Variants in GRAMD1A observed in about 807,000 individuals in gnomAD.
GRAMD1A encodes the protein GRAM domain containing 1A, also known as protein Aster-A.
Under a neutral mutation model 92.0 loss-of-function variants are expected in GRAMD1A, and 50 were observed. The observed-to-expected ratio is 0.54, with a 90% CI of 0.43 to 0.69. The LOEUF is 0.69. Ranked by LOEUF, GRAMD1A falls within the 30% of genes least tolerant of loss-of-function variation. The pLI is 0.00. For missense variants in GRAMD1A, 819 were observed against 978.9 expected (o/e 0.84, Z 2.18); for synonymous variants, 405 against 403.6 (o/e 1.00, Z -0.04).
chr19:35,011,499 G>A lies in GRAMD1A; in HGVS notation c.551G>A (p.Arg184His), dbSNP rs755226113. The A allele has an allele frequency of 5.6e-6, 9 of 1,611,388 alleles. No individual in the cohort carries two copies. Among genetic ancestry groups the A allele is most frequent in the East Asian group, 2.2e-5 (1 of 44,872 alleles). Residue 184 changes from arginine to histidine, a missense_variant, in exon 7 of 20, where the codon CGT (arginine) becomes CAT (histidine). Arg to His is a conservative substitution (Grantham distance 29, BLOSUM62 0). Around this residue, in one of 3 missense-constraint regions of GRAMD1A, gnomAD observed 144 missense variants for 220.3 expected, o/e 0.65. Coordinates refer to ENST00000317991, the MANE Select transcript of GRAMD1A (RefSeq NM_020895.5). ...CATTTCTTCACTTCCTTTGGGGCCC[G>A]TGACCGCTGCTTCCTCCTCATCTTC... ...EKHFFTSFGARDRCFLLIFRL... is the reference protein window; with the variant it reads ...EKHFFTSFGAHDRCFLLIFRL...
Position 35,013,208 on chromosome 19 carries a change from C to T in GRAMD1A, c.607-48C>T, listed in dbSNP as rs1206387541. The stretch of plus-strand genomic sequence containing the variant: ...CTGGTGGGGAATCTGGCGGGCCGGG[C>T]TCTGGCTGGGGTGAGATGGAGGCCA... On this transcript the variant is annotated intron_variant, in intron 7 of 19. Coordinates refer to ENST00000317991, the MANE Select transcript of GRAMD1A (RefSeq NM_020895.5). This position sits in a 1 kb window ranked among gnomAD's most constrained non-coding sequence, Gnocchi z 4.9. 3 of 1,026,754 alleles carry T rather than the reference C, an allele frequency of 2.9e-6. No homozygotes were observed. Among genetic ancestry groups the T allele is most frequent in the Non-Finnish European group, 4.4e-6 (3 of 686,338 alleles). 63.6% of individuals were successfully genotyped at this position (1,026,754 alleles called of 1,614,324 possible).
rs1568327355 is a variant in GRAMD1A, at chr19:35,013,195, C to G, written c.607-61C>G. ...CGGAGGCCGAGGGCTGGTGGGGAAT[C>G]TGGCGGGCCGGGCTCTGGCTGGGGT... On this transcript the variant is annotated intron_variant, in intron 7 of 19. Coordinates refer to ENST00000317991, the MANE Select transcript of GRAMD1A (RefSeq NM_020895.5). The surrounding 1 kb of genome is among the most constrained non-coding windows in gnomAD (Gnocchi z 4.9). 2 of 882,146 alleles carry G rather than the reference C, an allele frequency of 2.3e-6. No homozygotes were observed. The highest frequency in any genetic ancestry group is 1.6e-5 in the African/African-American group (1 of 60,682). 54.6% of individuals were successfully genotyped at this position (882,146 alleles called of 1,614,324 possible).
Position 35,000,646 on chromosome 19 carries a change from A to C in GRAMD1A, c.8+160A>C. 8.0e-6 allele frequency among the ~76,000 whole-genome samples: 1 copy of C among 124,374 alleles called. No homozygotes were observed. The highest frequency in any genetic ancestry group is 1.8e-5 in the Non-Finnish European group (1 of 56,974). The allele number at this position is 124,374 out of a possible 152,430, so 81.6% of individuals were successfully genotyped here. ...GGGGCGATCGGGGTGGGGGCGGGGCAGGGGGCCCCCGGGCGAGGGGTGCAG... is the reference window on the plus strand; with the variant it reads ...GGGGCGATCGGGGTGGGGGCGGGGCCGGGGGCCCCCGGGCGAGGGGTGCAG... On this transcript the variant is annotated intron_variant, in intron 1 of 19. Transcript: ENST00000317991. This position sits in a 1 kb window ranked among gnomAD's most constrained non-coding sequence, Gnocchi z 4.9.
rs538292365 is a variant in GRAMD1A at position 35,022,760 on chromosome 19, G to A, written c.1842-140G>A. ...GGCCAGCTACATGCTCAGCCTCTGA[G>A]CCTCAGCTCTCAGCTCTCATCCAGT... On this transcript the variant is annotated intron_variant, in intron 16 of 19. Transcript: ENST00000317991. The A allele has an allele frequency of 7.8e-6, 5 of 640,342 alleles. No individual in the cohort carries two copies. In the African/African-American group the frequency reaches 1.3e-4, roughly 17 times the overall value. The allele number at this position is 640,342 out of a possible 1,614,324, so 39.7% of individuals were successfully genotyped here.
At chr19:35,006,221 CTGAG>C (rs1202465087) in intron 1 of GRAMD1A, among the ~76,000 whole-genome samples, 1 of 152,180 alleles carries the variant, frequency 6.6e-6, no homozygotes, top group African/African-American at 2.4e-5. Context: ...ACTGCGGAGG[CTGAG>C]GCAGGAGAAT....
chr19:35,003,236 AC>A (rs2014544033), intron 1 of GRAMD1A, among the ~76,000 whole-genome samples: 1 of 151,680 alleles, frequency 6.6e-6, no homozygotes, highest in Non-Finnish European at 1.5e-5. Flanking sequence ...AATGCAGTTT[AC>A]CCCTGACACC....
rs1460900994 is a variant in GRAMD1A, at chr19:35,011,364, T to G, written c.526-110T>G. 18 of 823,862 alleles carry G rather than the reference T, an allele frequency of 2.2e-5. No homozygotes were observed. The East Asian group carries it at 4.3e-4, about 20-fold the overall frequency. 51.0% of individuals were successfully genotyped at this position (823,862 alleles called of 1,614,324 possible). A position where few individuals can be genotyped will look rare whatever the true frequency, so the allele number is the denominator to read the frequency against. ...CTAATGCAGGGGTGAATTAGTGGAT[T>G]CATGGGGCCAAAGATGTGGCGTCAG... On this transcript the variant is annotated intron_variant, in intron 6 of 19. Transcript: ENST00000317991.
chr19:35,008,552 T>C (rs2014988824), intron 1 of GRAMD1A, among the ~76,000 whole-genome samples: 1 of 151,162 alleles, frequency 6.6e-6, no homozygotes, highest in Admixed American at 6.6e-5. Flanking sequence ...CTGGGCACGG[T>C]GGCTCCCACC....
intron 7 of GRAMD1A, among the ~76,000 whole-genome samples, chr19:35,012,186 A>G (rs1291775218): frequency 1.3e-5 from 2 of 152,170 alleles, no homozygotes. Flanking sequence ...AGAGTAGCCC[A>G]GCGGTTAGCT....
Position 35,026,146 on chromosome 19 carries a change from C to G in GRAMD1A, c.*5C>G. On this transcript the variant is annotated 3_prime_UTR_variant, in exon 20 of 20. Transcript: ENST00000317991. ...CCCGATGACAGCTTTTCCTGAGGAC[C>G]CCGGCCACGCAGCTGTTCCCCCACA... 6.9e-7 allele frequency: 1 copy of G among 1,457,934 alleles called. No individual in the cohort carries two copies. The highest frequency in any genetic ancestry group is 9.6e-7 in the Non-Finnish European group (1 of 1,037,874). The allele number at this position is 1,457,934 out of a possible 1,614,324, so 90.3% of individuals were successfully genotyped here.
chr19:35,009,130 A>C lies in GRAMD1A; in HGVS notation c.20A>C (p.His7Pro), dbSNP rs764843073. The C allele has an allele frequency of 1.2e-6, 2 of 1,611,920 alleles. No individual in the cohort carries two copies. The highest frequency in any genetic ancestry group is 2.2e-5 in the South Asian group (2 of 91,016). Residue 7 changes from histidine (H) to proline (P), a missense_variant, in exon 2 of 20, where the codon CAC becomes CCC. Physicochemically the swap from His to Pro is moderately conservative, Grantham distance 77. Around this residue, in one of 3 missense-constraint regions of GRAMD1A, gnomAD observed 98 missense variants for 84.0 expected, o/e 1.17. Coordinates refer to ENST00000317991, the MANE Select transcript of GRAMD1A (RefSeq NM_020895.5). The part of the protein sequence containing the change: MFDTTP[H>P]SGRSTPSSSP... ...CTTCCTGCCCCCAGCACCACACCCCACTCTGGCCGGAGCACGCCAAGCAGC... is the reference window on the plus strand; with the variant it reads ...CTTCCTGCCCCCAGCACCACACCCCCCTCTGGCCGGAGCACGCCAAGCAGC...
In GRAMD1A at chr19:35,000,443, G is replaced by A; in HGVS notation, c.-36G>A. 8.0e-7 allele frequency: 1 copy of A among 1,247,800 alleles called. No individual in the cohort carries two copies. The highest frequency in any genetic ancestry group is 1.0e-6 in the Non-Finnish European group (1 of 992,572). 77.3% of individuals were successfully genotyped at this position (1,247,800 alleles called of 1,614,324 possible). A position where few individuals can be genotyped will look rare whatever the true frequency, so the allele number is the denominator to read the frequency against. On this transcript the variant is annotated 5_prime_UTR_variant, in exon 1 of 20. Coordinates refer to ENST00000317991, the MANE Select transcript of GRAMD1A (RefSeq NM_020895.5). This position sits in a 1 kb window ranked among gnomAD's most constrained non-coding sequence, Gnocchi z 4.9. Reference sequence around the variant, plus strand: ...GCCCAGCCCTGCCCTGCCCTGCCCTGCCCTGCGCCCGGGGCGCGCCCACCG... The same window carrying A: ...GCCCAGCCCTGCCCTGCCCTGCCCTACCCTGCGCCCGGGGCGCGCCCACCG...
chr19:35,013,247 C>T lies in GRAMD1A; in HGVS notation c.607-9C>T. ...AGATGGAGGCCAACCCCAGGTCCCG[C>T]CTCCCCAGACGCTGAGTCCCCGCGA... On this transcript the variant is annotated splice_polypyrimidine_tract_variant and intron_variant, in intron 7 of 19. Transcript: ENST00000317991. This position sits in a 1 kb window ranked among gnomAD's most constrained non-coding sequence, Gnocchi z 4.9. The T allele has an allele frequency of 6.7e-7, 1 of 1,492,846 alleles. No individual in the cohort carries two copies. Among genetic ancestry groups the T allele is most frequent in the Non-Finnish European group, 9.1e-7 (1 of 1,098,122 alleles). The allele number at this position is 1,492,846 out of a possible 1,614,324, so 92.5% of individuals were successfully genotyped here. A position where few individuals can be genotyped will look rare whatever the true frequency, so the allele number is the denominator to read the frequency against.
chr19:35,018,839 G>C (rs1185982981), intron 11 of GRAMD1A, among the ~76,000 whole-genome samples: 5 of 152,094 alleles, frequency 3.3e-5, no homozygotes, highest in Non-Finnish European at 7.4e-5. Context: ...ACCCCTGAGT[G>C]GGGGCCTGGG....
chr19:35,020,289 A>G (rs2015956472), intron 13 of GRAMD1A, among the ~76,000 whole-genome samples: 1 of 152,160 alleles, frequency 6.6e-6, no homozygotes, highest in Non-Finnish European at 1.5e-5. Flanking sequence ...CTGTAATCCC[A>G]GCAATTTGGG....
At chr19:35,023,705 G>T in intron 19 of GRAMD1A, 158 bp downstream of exon 19, 1 of 671,460 alleles carries the variant, frequency 1.5e-6, no homozygotes, top group Non-Finnish European at 2.4e-6. Flanking sequence ...AGCATTGCAG[G>T]GGAAAGCATG....
chr19:35,001,531 G>C (rs1216518735), intron 1 of GRAMD1A, among the ~76,000 whole-genome samples: 2 of 152,080 alleles, frequency 1.3e-5, no homozygotes, highest in African/African-American at 4.8e-5. Context: ...GTGTGTACAA[G>C]TGTGCCTGGG....
Position 35,021,122 on chromosome 19 carries a change from C to T in GRAMD1A, c.1476-380C>T, listed in dbSNP as rs577552307. On this transcript the variant is annotated intron_variant, in intron 13 of 19. Coordinates refer to ENST00000317991, the MANE Select transcript of GRAMD1A (RefSeq NM_020895.5). The surrounding 1 kb of genome is among the most constrained non-coding windows in gnomAD (Gnocchi z 5.3). ...TGGGTTTGGGGAAAGACCAGGAGGT[C>T]AGTTTGGGACTCAGCTGTCTATGTT... is the stretch of plus-strand genomic sequence containing the variant. 3.3e-5 allele frequency among the ~76,000 whole-genome samples: 5 copies of T among 152,234 alleles called. No individual in the cohort carries two copies. The highest frequency in any genetic ancestry group is 6.5e-5 in the Admixed American group (1 of 15,292).
At chr19:35,010,446 C>A in intron 6 of GRAMD1A, 67 bp downstream of exon 6, 1 of 1,022,954 alleles carries the variant, frequency 9.8e-7, no homozygotes, top group Non-Finnish European at 1.6e-6. Context: ...CCCAAACATG[C>A]AAAGCCCCAT....
Sources: allele counts gnomAD v4.1 joint callset (sites outside exome capture counted in the v4.1 genomes callset), GRCh38; gene constraint gnomAD v4.1.1; regional missense constraint gnomAD v4.1.1; non-coding constraint Gnocchi (gnomAD v3.1); transcripts MANE v1.5; gene names NCBI Gene and HGNC (gene_info 2026-07-23, HGNC 2026-07-21).